C18orf54: variants seen among roughly 807,000 people sequenced by gnomAD.
C18orf54 encodes chromosome 18 open reading frame 54.
In C18orf54, 49 loss-of-function variants were observed where a neutral mutation model predicts 49.3. The observed-to-expected ratio is 0.99, with a 90% CI of 0.79 to 1.26. The LOEUF is 1.26. C18orf54 is among the 50% of genes most tolerant of loss of function. The pLI, the probability that C18orf54 is intolerant of heterozygous loss-of-function variation, is 0.00. For synonymous variants in C18orf54, 211 were observed against 216.6 expected, an observed-to-expected ratio of 0.97 and a Z score of 0.23; for missense variants, 687 against 620.6, an observed-to-expected ratio of 1.11 and a Z score of -1.14.
intron 1 of C18orf54, among the ~76,000 whole-genome samples, chr18:54,358,362 A>G (rs2144709051): frequency 6.6e-6 from 1 of 152,342 alleles, no homozygotes; most frequent in East Asian, 1.9e-4. Context: ...AGGCGGCGAC[A>G]GGAAGGGGCT....
chr18:54,374,363 A>C, intron 8 of C18orf54, 79 bp downstream of exon 8: 2 of 1,417,096 alleles, frequency 1.4e-6, no homozygotes, highest in Admixed American at 2.6e-5. Flanking sequence ...GGGTAGAAGT[A>C]AGTAGTTTTA....
At chr18:54,360,121 G>A (rs1486676130) in intron 2 of C18orf54, among the ~76,000 whole-genome samples, 1 of 152,166 alleles carries the variant, frequency 6.6e-6, no homozygotes, top group Admixed American at 6.5e-5. Flanking sequence ...GCAGCACATG[G>A]TAGTAGGCTT....
In C18orf54 at chr18:54,360,600, C is replaced by G. The variant is rs780156014; in HGVS notation, c.28C>G (p.Leu10Val). The change falls in exon 3 of 9, where the codon CTT becomes GTT. Residue 10 changes from leucine (L) to valine (V), a missense_variant. Physicochemically the swap from Leu to Val is conservative, Grantham distance 32 (BLOSUM62 1). Coordinates refer to ENST00000620105, the MANE Select transcript of C18orf54 (RefSeq NM_001288980.2). ...GGCGAAATCAAAGACAAAACATAGA[C>G]TTTGTTCTCAGGAATCTTCAGTATC... is the stretch of plus-strand genomic sequence containing the variant. MAKSKTKHR[L>V]CSQESSVSAL... The G allele has an allele frequency of 1.4e-5, 22 of 1,613,902 alleles. No individual in the cohort carries two copies. Among genetic ancestry groups the G allele is most frequent in the Non-Finnish European group, 1.7e-5 (20 of 1,179,922 alleles).
At chr18:54,367,343 T>C (rs865963283) in intron 6 of C18orf54, among the ~76,000 whole-genome samples, 17 of 152,290 alleles carry the variant, frequency 1.1e-4, no homozygotes, top group African/African-American at 3.8e-4. Context: ...TTTCCATGTG[T>C]TTTCATGATG....
chr18:54,361,082 T>C (rs537794278), intron 3 of C18orf54, among the ~76,000 whole-genome samples: 2 of 152,326 alleles, frequency 1.3e-5, no homozygotes, highest in East Asian at 3.9e-4. Context: ...GAAGACAAGT[T>C]TGGAAAATGC....
intron 8 of C18orf54, among the ~76,000 whole-genome samples, chr18:54,375,358 C>G (rs2089553076): frequency 6.6e-6 from 1 of 151,160 alleles, no homozygotes; most frequent in African/African-American, 2.4e-5. Context: ...AAGCGGGATT[C>G]AGATCAGGTA....
At chr18:54,372,266 A>T (rs1319595864) in intron 6 of C18orf54, among the ~76,000 whole-genome samples, 200 bp from the exon 7 acceptor site, 1 of 151,968 alleles carries the variant, frequency 6.6e-6, no homozygotes, top group African/African-American at 2.4e-5. Context: ...GTTAATCATG[A>T]TTGTCTTTAA....
rs1430967267 is a variant in C18orf54 at position 54,378,430 on chromosome 18, T to C, written c.*184T>C. 2.1e-6 allele frequency: 1 copy of C among 476,336 alleles called. No individual in the cohort carries two copies. Among genetic ancestry groups the C allele is most frequent in the Non-Finnish European group, 3.7e-6 (1 of 273,358 alleles). 29.5% of individuals were successfully genotyped at this position (476,336 alleles called of 1,614,324 possible). On this transcript the variant is annotated 3_prime_UTR_variant, in exon 9 of 9. Coordinates refer to ENST00000620105, the MANE Select transcript of C18orf54 (RefSeq NM_001288980.2). Reference sequence around the variant, plus strand: ...TAGGTTTTGGGACCTATCTTTATTTTGTGCCAACATACTAGAATGTGAACT... The same window carrying C: ...TAGGTTTTGGGACCTATCTTTATTTCGTGCCAACATACTAGAATGTGAACT...
chr18:54,378,127 A>C, intron 8 of C18orf54, 47 bp from the exon 9 acceptor site: 1 of 1,454,508 alleles, frequency 6.9e-7, no homozygotes, highest in South Asian at 1.4e-5. Flanking sequence ...TTGGCTATTC[A>C]GTTCTTAATA....
chr18:54,379,315 G>C lies in C18orf54; in HGVS notation c.*1069G>C, dbSNP rs1305377691. ...CTGCCTGACAAAATTAAAGAGTACT[G>C]TGTGTATGTATAACTACTACAGGTT... On this transcript the variant is annotated 3_prime_UTR_variant, in exon 9 of 9. Coordinates refer to ENST00000620105, the MANE Select transcript of C18orf54 (RefSeq NM_001288980.2). The C allele has an allele frequency of 1.3e-5, 2 of 152,050 alleles. No individual in the cohort carries two copies. The highest frequency in any genetic ancestry group is 2.9e-5 in the Non-Finnish European group (2 of 67,944). 9.4% of individuals were successfully genotyped at this position (152,050 alleles called of 1,614,324 possible). A position where few individuals can be genotyped will look rare whatever the true frequency, so the allele number is the denominator to read the frequency against.
intron 5 of C18orf54, among the ~76,000 whole-genome samples, chr18:54,363,466 C>T (rs1040915830): frequency 6.6e-6 from 1 of 152,144 alleles, no homozygotes; most frequent in African/African-American, 2.4e-5. Context: ...TACAGGCCTG[C>T]ACCACCATGC....
chr18:54,364,841 G>A (rs1393240610), intron 5 of C18orf54, among the ~76,000 whole-genome samples: 1 of 151,914 alleles, frequency 6.6e-6, no homozygotes, highest in Non-Finnish European at 1.5e-5. Flanking sequence ...AAAGAAGCAT[G>A]CTTATTAAGA....
intron 8 of C18orf54, 119 bp downstream of exon 8, chr18:54,374,403 T>G (rs2089537437): frequency 8.4e-6 from 9 of 1,068,214 alleles, no homozygotes; most frequent in Non-Finnish European, 9.8e-6. Flanking sequence ...TATTTAAGCT[T>G]CTTGGAGCAC....
chr18:54,375,297 A>G (rs2089551793), intron 8 of C18orf54, among the ~76,000 whole-genome samples: 1 of 151,760 alleles, frequency 6.6e-6, no homozygotes, highest in African/African-American at 2.4e-5. Context: ...CATAATACAG[A>G]TCGGAGAATA....
rs1369847843 is a variant in C18orf54 at position 54,358,049 on chromosome 18, G to C, written c.-170G>C. The C allele has an allele frequency of 6.5e-6, 1 of 152,842 alleles. No homozygotes were observed. The highest frequency in any genetic ancestry group is 2.4e-5 in the African/African-American group (1 of 41,474). 9.5% of individuals were successfully genotyped at this position (152,842 alleles called of 1,614,324 possible). On this transcript the variant is annotated 5_prime_UTR_variant, in exon 1 of 9. Coordinates refer to ENST00000620105, the MANE Select transcript of C18orf54 (RefSeq NM_001288980.2). The stretch of plus-strand genomic sequence containing the variant: ...GTGTCTCGCGTTGGGTAACAGGCCT[G>C]AGCTTTCGGCGGAGAGCTGTGGAAG...
chr18:54,359,631 C>T (rs1218276204), intron 2 of C18orf54, among the ~76,000 whole-genome samples: 1 of 152,016 alleles, frequency 6.6e-6, no homozygotes, highest in Admixed American at 6.6e-5. Context: ...TATGTTAAGT[C>T]CTCAACATTA....
rs748273953 is a variant in C18orf54, at chr18:54,362,061, A to G, written c.702A>G (p.Glu234=). ...AGGACAGTTCAGAACACAGTCTTGA[A>G]AAGAATTACCCAAGATGGCTCACTA... ...SFKDSSEHSL[E]KNYPRWLTSQ... is the part of the protein sequence containing the mutation. The change falls in exon 4 of 9, where the codon GAA becomes GAG. Residue 234 remains glutamate (E), a synonymous_variant. Transcript: ENST00000620105. 6.4e-7 allele frequency: 1 copy of G among 1,555,156 alleles called. No individual in the cohort carries two copies.
chr18:54,362,202 G>C lies in C18orf54; in HGVS notation c.843G>C (p.Gln281His). 6.5e-7 allele frequency: 1 copy of C among 1,536,236 alleles called. No individual in the cohort carries two copies. The highest frequency in any genetic ancestry group is 2.0e-5 in the Admixed American group (1 of 51,004). Residue 281 changes from glutamine (Q) to histidine (H), a missense_variant, in exon 4 of 9, where the codon CAG becomes CAC. Gln to His is a conservative substitution (Grantham distance 24). Coordinates refer to ENST00000620105, the MANE Select transcript of C18orf54 (RefSeq NM_001288980.2). ...ATGCAAATAGTCAAAGGGTTTATCA[G>C]ATATTTAAAGATGATCAGTGTTCCC... ...LPDANSQRVYQIFKDDQCSPR... is the reference protein window; with the variant it reads ...LPDANSQRVYHIFKDDQCSPR...
intron 8 of C18orf54, among the ~76,000 whole-genome samples, chr18:54,376,804 ATAG>A (rs1380809243): frequency 7.2e-5 from 11 of 152,340 alleles, no homozygotes; most frequent in African/African-American, 2.6e-4. Flanking sequence ...CAAGAAGTGT[ATAG>A]TACAGGGAAA....
Sources: allele counts gnomAD v4.1 joint callset (sites outside exome capture counted in the v4.1 genomes callset), GRCh38; gene constraint gnomAD v4.1.1; transcripts MANE v1.5; gene names NCBI Gene and HGNC (gene_info 2026-07-23, HGNC 2026-07-21).